Variants in ZMYND8 observed in about 807,000 individuals in gnomAD.
ZMYND8 encodes the protein zinc finger MYND-type containing 8.
A neutral mutation model predicts 140.8 loss-of-function variants in ZMYND8; 37 were observed. The observed-to-expected ratio is 0.26, with a 90% CI of 0.20 to 0.35. ZMYND8 has a LOEUF of 0.35. ZMYND8 is among the 10% of genes least tolerant of loss of function. The probability of loss-of-function intolerance (pLI) is 1.00; values close to 1 mark genes in which losing one functional copy is unlikely to be tolerated. For synonymous variants in ZMYND8, 592 were observed against 597.1 expected, an observed-to-expected ratio of 0.99 and a Z score of 0.12; for missense variants, 1,068 against 1,570.0, an observed-to-expected ratio of 0.68 and a Z score of 5.40.
rs765538616 is a variant in ZMYND8 at position 47,282,094 on chromosome 20, A to G, written c.998+8T>C. On this transcript the variant is annotated splice_region_variant and intron_variant, in intron 10 of 22. Coordinates refer to ENST00000471951, the MANE Select transcript of ZMYND8 (RefSeq NM_001281775.3). ...GCTACATGTTCCAAGCCTGTTATTA[A>G]CTCCCACCTGTCATGTTGTCCAAAG... 6 of 1,609,534 alleles carry G rather than the reference A, an allele frequency of 3.7e-6. No homozygotes were observed. The South Asian group carries it at 6.6e-5, about 18-fold the overall frequency.
At position 47,249,435 on chromosome 20, in the gene ZMYND8, T is replaced by A. The variant is rs1487088006; in HGVS notation, c.1626A>T (p.Arg542=). Residue 542 remains arginine, a synonymous_variant, in exon 13 of 23, where the codon CGA becomes CGT. Coordinates refer to ENST00000471951, the MANE Select transcript of ZMYND8 (RefSeq NM_001281775.3). Reference sequence around the variant, plus strand: ...CCTTCAAATCCATCTCAGCTTTGCTTCGATCTGAAAGAAACCATCACACCC... The same window carrying A: ...CCTTCAAATCCATCTCAGCTTTGCTACGATCTGAAAGAAACCATCACACCC... The part of the protein sequence containing the change: ...TGSILNLNLD[R]SKAEMDLKEL... 1 of 1,614,076 alleles carries A rather than the reference T, an allele frequency of 6.2e-7. No homozygotes were observed. The highest frequency in any genetic ancestry group is 1.7e-5 in the Admixed American group (1 of 60,014).
At chr20:47,355,544 T>G in intron 1 of ZMYND8, 1 of 975,472 alleles carries the variant, frequency 1.0e-6, no homozygotes. Context: ...GAAATTTTTT[T>G]AAACAGTTAC....
At chr20:47,307,815 G>T (rs1215482859) in intron 3 of ZMYND8, among the ~76,000 whole-genome samples, 3 of 151,654 alleles carry the variant, frequency 2.0e-5, no homozygotes, top group African/African-American at 7.3e-5. Flanking sequence ...CAACAAGAGT[G>T]AAACTCCATC....
At chr20:47,336,360 G>A (rs183783086) in intron 2 of ZMYND8, among the ~76,000 whole-genome samples, 6 of 152,292 alleles carry the variant, frequency 3.9e-5, no homozygotes, top group Admixed American at 2.0e-4. Flanking sequence ...GCATCTGTGC[G>A]TGTTTCCAAG....
chr20:47,237,782 G>C (rs922717530), intron 15 of ZMYND8: 1 of 152,224 alleles, frequency 6.6e-6, no homozygotes, highest in African/African-American at 2.4e-5. Context: ...CCCAGCCTTT[G>C]AGGATCTAGA....
chr20:47,350,967 C>T (rs989101927), intron 1 of ZMYND8, among the ~76,000 whole-genome samples: 1 of 152,218 alleles, frequency 6.6e-6, no homozygotes, highest in African/African-American at 2.4e-5. Flanking sequence ...CCACCTCTTA[C>T]ACTCACATTT....
chr20:47,224,372 G>A lies in ZMYND8; in HGVS notation c.3201C>T (p.Asp1067=). ...FYCCWNTSYC[D]YPCQQAHWPE... ...GCCAGTGGGCTTGCTGGCAGGGGTA[G>A]TCACAGTAGCTGGTGTTCCAACAGC... The change falls in exon 19 of 23, where the codon GAC becomes GAT. Residue 1067 remains aspartate, a synonymous_variant. Transcript: ENST00000471951. 6.2e-7 allele frequency: 1 copy of A among 1,614,282 alleles called. No homozygotes were observed. The highest frequency in any genetic ancestry group is 8.5e-7 in the Non-Finnish European group (1 of 1,180,050).
intron 11 of ZMYND8, among the ~76,000 whole-genome samples, chr20:47,263,510 G>C (rs1349484492): frequency 6.6e-6 from 1 of 152,166 alleles, no homozygotes; most frequent in Non-Finnish European, 1.5e-5. Context: ...CATACCACTC[G>C]GCTGGTGAAT....
At chr20:47,318,704 C>T in intron 2 of ZMYND8, 1 of 457,334 alleles carries the variant, frequency 2.2e-6, no homozygotes, top group Non-Finnish European at 4.4e-6. Flanking sequence ...CTTGGGCCTG[C>T]CAGAGCTGCC....
intron 7 of ZMYND8, among the ~76,000 whole-genome samples, chr20:47,288,627 A>C (rs1278908546): frequency 6.6e-6 from 1 of 151,964 alleles, no homozygotes; most frequent in Non-Finnish European, 1.5e-5. Flanking sequence ...CCCCTGACTG[A>C]AGTGATCCGC....
At chr20:47,265,326 T>A (rs147648150) in intron 11 of ZMYND8, among the ~76,000 whole-genome samples, 10 of 152,194 alleles carry the variant, frequency 6.6e-5, no homozygotes, top group Admixed American at 2.0e-4. Context: ...GACAAGGACG[T>A]CCAACCCTAA....
At chr20:47,220,667 G>A (rs1388794356) in intron 20 of ZMYND8, among the ~76,000 whole-genome samples, 4 of 152,158 alleles carry the variant, frequency 2.6e-5, no homozygotes, top group Admixed American at 1.3e-4. Context: ...CTGTCAGTCC[G>A]CTTTTAATTC....
At chr20:47,337,161 G>A (rs1420656920) in intron 2 of ZMYND8, among the ~76,000 whole-genome samples, 3 of 152,074 alleles carry the variant, frequency 2.0e-5, no homozygotes, top group Non-Finnish European at 4.4e-5. Flanking sequence ...AGACCAGCCT[G>A]GCCAACACAG....
rs989231964 is a variant in ZMYND8, at chr20:47,319,280, G to A, written c.86-9076C>T. 8.7e-6 allele frequency: 3 copies of A among 345,206 alleles called. No homozygotes were observed. In the Admixed American group the frequency reaches 1.3e-4, roughly 14 times the overall value. 21.4% of individuals were successfully genotyped at this position (345,206 alleles called of 1,614,324 possible). On this transcript the variant is annotated intron_variant, in intron 2 of 22. Transcript: ENST00000471951. Reference sequence around the variant, plus strand: ...AGCTCGGCTGAGCTGAAAGTCTCCGGTGCAGTGCACCGAAGAGCCATTGAT... The same window carrying A: ...AGCTCGGCTGAGCTGAAAGTCTCCGATGCAGTGCACCGAAGAGCCATTGAT...
intron 16 of ZMYND8, among the ~76,000 whole-genome samples, chr20:47,233,454 C>A (rs1254134894): frequency 6.6e-6 from 1 of 152,084 alleles, no homozygotes; most frequent in Non-Finnish European, 1.5e-5. Context: ...AGGGATCCTC[C>A]CACTTGAGCC....
chr20:47,249,154 G>A, intron 13 of ZMYND8, 133 bp downstream of exon 13: 1 of 1,090,466 alleles, frequency 9.2e-7, no homozygotes, highest in Non-Finnish European at 1.3e-6. Context: ...TATTTTAGCT[G>A]AGCAAATAGT....
intron 14 of ZMYND8, among the ~76,000 whole-genome samples, chr20:47,245,737 C>A (rs745646204): frequency 5.3e-5 from 8 of 152,244 alleles, no homozygotes; most frequent in Non-Finnish European, 1.0e-4. Context: ...CATTTTCTAA[C>A]AGACTTCTCT....
intron 17 of ZMYND8, 114 bp downstream of exon 17, chr20:47,229,612 G>A: frequency 1.1e-6 from 1 of 941,486 alleles, no homozygotes; most frequent in Admixed American, 2.6e-5. Flanking sequence ...AGCCAGCTTA[G>A]TGACCAAGCC....
chr20:47,237,315 CT>C (rs771666870), intron 15 of ZMYND8: 380 of 137,906 alleles, frequency 2.8e-3, no homozygotes, highest in Middle Eastern at 3.8e-3. Flanking sequence ...TAGTTTTTTG[CT>C]TTTTTTTTTT....
Sources: gnomAD v4.1 joint callset for allele counts (sites outside exome capture counted in the v4.1 genomes callset) on GRCh38, gnomAD v4.1.1 for gene constraint, MANE v1.5 for transcripts, NCBI Gene and HGNC (gene_info 2026-07-23, HGNC 2026-07-21) for gene names.